RALYL: variants seen among roughly 807,000 people sequenced by gnomAD.
RALYL encodes the protein RNA-binding Raly-like protein.
A neutral mutation model predicts 35.1 loss-of-function variants in RALYL; 29 were observed. The observed-to-expected ratio is 0.83, with a 90% confidence interval of 0.61 to 1.13. RALYL has a LOEUF of 1.13. RALYL is among the 50% of genes most tolerant of loss of function. RALYL has a pLI of 0.00. For synonymous variants in RALYL, 120 were observed against 127.6 expected (o/e 0.94, Z 0.40); for missense variants, 359 against 360.4 (o/e 1.00, Z 0.03).
intron 8 of RALYL, among the ~76,000 whole-genome samples, chr8:84,912,874 C>G (rs1377457848): frequency 6.6e-6 from 1 of 151,968 alleles, no homozygotes. Context: ...CAGTAAGACC[C>G]TGGTCAAGTG....
At chr8:84,346,728 C>A (rs1849903065) in intron 1 of RALYL, among the ~76,000 whole-genome samples, 1 of 152,034 alleles carries the variant, frequency 6.6e-6, no homozygotes, top group Non-Finnish European at 1.5e-5. Context: ...CTTAGCCTCC[C>A]AAAGTCTAAT....
rs902717109 is a variant in RALYL, at chr8:84,513,777, A to G, written c.-23-15522A>G. ...AAACAACATGAATGAAATGGTACCT[A>G]TAAATAAACTCCTTTGAAGATAAGA... On this transcript the variant is annotated intron_variant, in intron 1 of 8. Coordinates refer to ENST00000521268, the MANE Select transcript of RALYL (RefSeq NM_173848.7). 3.8e-4 allele frequency among the ~76,000 whole-genome samples: 58 copies of G among 152,264 alleles called. 1 individual carries two copies. Among genetic ancestry groups the G allele is most frequent in the Admixed American group, 3.1e-3 (47 of 15,284 alleles).
At chr8:84,761,696 T>C (rs1459380026) in intron 2 of RALYL, among the ~76,000 whole-genome samples, 1 of 152,132 alleles carries the variant, frequency 6.6e-6, no homozygotes. Flanking sequence ...CTCATTCCCA[T>C]ATTTAACAAA....
intron 2 of RALYL, among the ~76,000 whole-genome samples, chr8:84,567,623 T>G (rs2061876116): frequency 6.6e-6 from 1 of 151,870 alleles, no homozygotes; most frequent in Non-Finnish European, 1.5e-5. Context: ...CTTAGGTTGG[T>G]TCCATGACTT....
chr8:84,481,638 C>G (rs777140092), intron 1 of RALYL, among the ~76,000 whole-genome samples: 1 of 151,896 alleles, frequency 6.6e-6, no homozygotes, highest in Non-Finnish European at 1.5e-5. Context: ...ACAGCATACT[C>G]GGCAATAAAA....
At chr8:84,909,010 C>A (rs1023602593) in intron 8 of RALYL, among the ~76,000 whole-genome samples, 1 of 152,092 alleles carries the variant, frequency 6.6e-6, no homozygotes, top group Non-Finnish European at 1.5e-5. Flanking sequence ...CATTTCCATG[C>A]CATGTATTCC....
chr8:84,318,415 A>C (rs1844169188), intron 1 of RALYL, among the ~76,000 whole-genome samples: 1 of 152,218 alleles, frequency 6.6e-6, no homozygotes, highest in Non-Finnish European at 1.5e-5. Context: ...TAGCCATGGT[A>C]ATCTTTCACT....
chr8:84,691,571 A>G (rs1838057022), intron 2 of RALYL, among the ~76,000 whole-genome samples: 1 of 152,026 alleles, frequency 6.6e-6, no homozygotes, highest in Non-Finnish European at 1.5e-5. Flanking sequence ...CATTTAATTA[A>G]AGAAAGAGCA....
intron 1 of RALYL, among the ~76,000 whole-genome samples, chr8:84,300,822 G>A (rs1840632200): frequency 6.6e-6 from 1 of 151,928 alleles, no homozygotes; most frequent in South Asian, 2.1e-4. Context: ...ATACAGTTGG[G>A]TCTTGTCCCT....
chr8:84,723,799 C>T (rs1049559793), intron 2 of RALYL, among the ~76,000 whole-genome samples: 1 of 151,654 alleles, frequency 6.6e-6, no homozygotes, highest in Non-Finnish European at 1.5e-5. Context: ...GTCTCTCTTC[C>T]TAATAAGTCA....
intron 4 of RALYL, among the ~76,000 whole-genome samples, chr8:84,844,606 A>G (rs1222059010): frequency 6.6e-6 from 1 of 152,238 alleles, no homozygotes; most frequent in Non-Finnish European, 1.5e-5. Flanking sequence ...TGACCCAGCC[A>G]TCCCATTACT....
At chr8:84,639,521 G>A (rs1825874685) in intron 2 of RALYL, among the ~76,000 whole-genome samples, 1 of 151,922 alleles carries the variant, frequency 6.6e-6, no homozygotes, top group Admixed American at 6.6e-5. Context: ...GGCCTGAACT[G>A]GTTTTTTAGG....
chr8:84,484,900 A>G (rs1449494642), intron 1 of RALYL, among the ~76,000 whole-genome samples: 1 of 152,176 alleles, frequency 6.6e-6, no homozygotes, highest in Admixed American at 6.6e-5. Context: ...ATGTCAAAAT[A>G]TCACACCATA....
intron 2 of RALYL, among the ~76,000 whole-genome samples, chr8:84,758,632 A>G (rs547731408): frequency 2.9e-5 from 4 of 139,666 alleles, no homozygotes; most frequent in Admixed American, 2.1e-4. Flanking sequence ...GTGCCTGATG[A>G]CATGACAGCC....
At chr8:84,822,493 C>T (rs939749062) in intron 4 of RALYL, among the ~76,000 whole-genome samples, 1 of 152,130 alleles carries the variant, frequency 6.6e-6, no homozygotes, top group African/African-American at 2.4e-5. Flanking sequence ...ATTTGAAGGG[C>T]ACTGTGTATG....
chr8:84,801,322 C>T (rs1312755291), intron 3 of RALYL, among the ~76,000 whole-genome samples: 1 of 152,130 alleles, frequency 6.6e-6, no homozygotes, highest in African/African-American at 2.4e-5. Flanking sequence ...TTTCTTTCAG[C>T]TCAGTTCATG....
intron 2 of RALYL, among the ~76,000 whole-genome samples, chr8:84,584,266 G>A (rs1811486012): frequency 1.3e-5 from 2 of 152,020 alleles, no homozygotes; most frequent in Admixed American, 6.6e-5. Flanking sequence ...AGGAACTTAC[G>A]GAAACAAAGT....
chr8:84,497,642 G>T (rs149783453), intron 1 of RALYL, among the ~76,000 whole-genome samples: 1,822 of 117,194 alleles, frequency 0.016, 56 homozygotes, highest in African/African-American at 0.055. Flanking sequence ...TTTTGTTTTT[G>T]TTTTTTTTTT....
chr8:84,501,427 T>A (rs2056645274), intron 1 of RALYL, among the ~76,000 whole-genome samples: 1 of 152,106 alleles, frequency 6.6e-6, no homozygotes, highest in South Asian at 2.1e-4. Context: ...TTTTAATAAA[T>A]AGCCAGTGTA....
Sources: gnomAD v4.1 joint callset for allele counts (sites outside exome capture counted in the v4.1 genomes callset) on GRCh38, gnomAD v4.1.1 for gene constraint, MANE v1.5 for transcripts, NCBI Gene and HGNC (gene_info 2026-07-23, HGNC 2026-07-21) for gene names.